The following ITGB8 variants were observed in gnomAD, a reference collection of about 807,000 sequenced individuals.
ITGB8 encodes integrin subunit beta 8.
ITGB8 carries 30 observed loss-of-function variants against 89.5 expected under a neutral mutation model. The observed-to-expected ratio is 0.34, with a 90% CI of 0.25 to 0.45. The LOEUF (loss-of-function observed/expected upper bound fraction) is 0.45, where lower values mean the gene tolerates loss of function less well. ITGB8 is among the 20% of genes least tolerant of loss of function. ITGB8 has a pLI of 1.00. For missense variants in ITGB8, 836 were observed against 933.3 expected (o/e 0.90, Z 1.36); for synonymous variants, 335 against 320.4 (o/e 1.05, Z -0.49).
chr7:20,366,166 T>G (rs1190680197), intron 2 of ITGB8: 1 of 152,230 alleles, frequency 6.6e-6, no homozygotes, highest in Non-Finnish European at 1.5e-5. Flanking sequence ...TGTTCCTTTC[T>G]AACATCTATG....
At chr7:20,365,065 C>T (rs1029655854) in intron 2 of ITGB8, 5 of 152,254 alleles carry the variant, frequency 3.3e-5, no homozygotes, top group Admixed American at 1.3e-4. Flanking sequence ...GAACATCAGG[C>T]TTCAGAGGGA....
At chr7:20,395,223 G>T (rs566318562) in intron 8 of ITGB8, among the ~76,000 whole-genome samples, 2 of 152,320 alleles carry the variant, frequency 1.3e-5, no homozygotes, top group South Asian at 4.1e-4. Flanking sequence ...TTGGGCTAGA[G>T]GCTATCTAAA....
In ITGB8 at chr7:20,412,454, A is replaced by AT. The variant is rs1562711908; in HGVS notation, c.*2458dup. 1 of 152,510 alleles carries AT rather than the reference A, an allele frequency of 6.6e-6. No individual in the cohort carries two copies. Among genetic ancestry groups the AT allele is most frequent in the Non-Finnish European group, 1.5e-5 (1 of 68,036 alleles). The allele number at this position is 152,510 out of a possible 1,614,324, so 9.4% of individuals were successfully genotyped here. ...GACAATTTTTGAAATGAACATTATGATATTTATGAACAATAAACAAATTTC... is the reference window on the plus strand; with the variant it reads ...GACAATTTTTGAAATGAACATTATGATTATTTATGAACAATAAACAAATTTC... On this transcript the variant is annotated 3_prime_UTR_variant, in exon 14 of 14. Transcript: ENST00000222573.
At chr7:20,392,245 G>C (rs984402548) in intron 7 of ITGB8, among the ~76,000 whole-genome samples, 1 of 152,050 alleles carries the variant, frequency 6.6e-6, no homozygotes, top group Admixed American at 6.6e-5. Context: ...GTGCATCTCT[G>C]TTTACTTGGT....
intron 1 of ITGB8, among the ~76,000 whole-genome samples, chr7:20,348,134 A>T (rs1784990447): frequency 6.6e-6 from 1 of 152,248 alleles, no homozygotes; most frequent in African/African-American, 2.4e-5. Context: ...TGGTAAAGTT[A>T]GGGTCATATC....
chr7:20,412,645 G>A lies in ITGB8; in HGVS notation c.*2648G>A, dbSNP rs1242060204. 2 of 152,506 alleles carry A rather than the reference G, an allele frequency of 1.3e-5. No homozygotes were observed. The highest frequency in any genetic ancestry group is 6.6e-5 in the Admixed American group (1 of 15,260). The allele number at this position is 152,506 out of a possible 1,614,324, so 9.4% of individuals were successfully genotyped here. A position where few individuals can be genotyped will look rare whatever the true frequency, so the allele number is the denominator to read the frequency against. On this transcript the variant is annotated 3_prime_UTR_variant, in exon 14 of 14. Transcript: ENST00000222573. ...CCTTGTAGGCAACTCAGTGTTAGAC[G>A]ATGATTGTGGTTATGCTTGCAAAGT... is the stretch of plus-strand genomic sequence containing the variant.
chr7:20,390,624 TTG>T (rs1371559535), intron 6 of ITGB8, among the ~76,000 whole-genome samples: 1 of 152,096 alleles, frequency 6.6e-6, no homozygotes, highest in African/African-American at 2.4e-5. Context: ...TAATGATAAG[TTG>T]AGAAATCTGT....
rs79623017 is a variant in ITGB8 at position 20,357,682 on chromosome 7, G to A, written c.128-5955G>A. On this transcript the variant is annotated intron_variant, in intron 1 of 13. Transcript: ENST00000222573. ...GTTATAGTTAGCCCTTTGTTACTGC[G>A]GAGGAGATGGAGACTTGGAGAGTTT... 2.0e-3 allele frequency among the ~76,000 whole-genome samples: 298 copies of A among 152,196 alleles called. 13 individuals are homozygous for A. The East Asian group carries it at 0.05, about 25-fold the overall frequency.
At chr7:20,403,825 T>C (rs560203020) in intron 10 of ITGB8, among the ~76,000 whole-genome samples, 227 of 152,224 alleles carry the variant, frequency 1.5e-3, no homozygotes, top group African/African-American at 5.3e-3. Flanking sequence ...TGTGGCTAGA[T>C]AAGCTTCAGA....
At chr7:20,400,370 G>A (rs1207153783) in intron 9 of ITGB8, among the ~76,000 whole-genome samples, 1 of 152,038 alleles carries the variant, frequency 6.6e-6, no homozygotes, top group Non-Finnish European at 1.5e-5. Context: ...ATTAACTTAT[G>A]TATCTGTTAA....
At chr7:20,361,242 CTCTTGG>C (rs1390133461) in intron 1 of ITGB8, among the ~76,000 whole-genome samples, 1 of 152,192 alleles carries the variant, frequency 6.6e-6, no homozygotes, top group Non-Finnish European at 1.5e-5. Flanking sequence ...TTGAGTGAAA[CTCTTGG>C]TCAAGTCTGA....
At chr7:20,391,347 G>T in intron 6 of ITGB8, 56 bp from the exon 7 acceptor site, 1 of 891,608 alleles carries the variant, frequency 1.1e-6, no homozygotes, top group South Asian at 1.9e-5. Context: ...TTAGATGTTT[G>T]AATAGGATGG....
chr7:20,354,548 A>C (rs142781455), intron 1 of ITGB8, among the ~76,000 whole-genome samples: 13 of 152,244 alleles, frequency 8.5e-5, no homozygotes, highest in Admixed American at 3.9e-4. Flanking sequence ...TCTGAGAGTA[A>C]ACGAGCAGAT....
chr7:20,335,834 C>T (rs1784554180), intron 1 of ITGB8, among the ~76,000 whole-genome samples: 1 of 151,920 alleles, frequency 6.6e-6, no homozygotes, highest in Non-Finnish European at 1.5e-5. Context: ...ACACTGTTGA[C>T]CTTGCCCTCC....
Position 20,363,702 on chromosome 7 carries a change from T to C in ITGB8, c.193T>C (p.Cys65Arg), listed in dbSNP as rs1433915572. The C allele has an allele frequency of 6.2e-7, 1 of 1,601,502 alleles. No homozygotes were observed. Among genetic ancestry groups the C allele is most frequent in the Non-Finnish European group, 8.5e-7 (1 of 1,176,356 alleles). Residue 65 changes from cysteine (C) to arginine (R), a missense_variant, in exon 2 of 14, where the codon TGT (cysteine) becomes CGT (arginine). Around this residue, in one of 5 missense-constraint regions of ITGB8, gnomAD observed 182 missense variants for 177.0 expected, o/e 1.03. Transcript: ENST00000222573. ...CARCLALGPE[C>R]GWCVQEDFIS... ...CAGGTGCCTTGCGCTGGGTCCAGAATGTGGATGGTGTGTTCAAGAGGTGTG... is the reference window on the plus strand; with the variant it reads ...CAGGTGCCTTGCGCTGGGTCCAGAACGTGGATGGTGTGTTCAAGAGGTGTG...
At position 20,401,945 on chromosome 7, in the gene ITGB8, T is replaced by G; in HGVS notation, c.1506T>G (p.Asp502Glu). The change falls in exon 10 of 14, where the codon GAT (aspartate) becomes GAG (glutamate). Residue 502 changes from aspartate to glutamate, a missense_variant. Asp to Glu is a conservative substitution (Grantham distance 45). Transcript: ENST00000222573. ...FQCDENKCHF[D>E]EDQFSSESCK... ...GTGATGAGAATAAATGTCATTTTGA[T>G]GAAGATCAGTTTTCTTCTGAGAGTT... is the stretch of plus-strand genomic sequence containing the variant. 1 of 1,614,220 alleles carries G rather than the reference T, an allele frequency of 6.2e-7. No homozygotes were observed. Among genetic ancestry groups the G allele is most frequent in the South Asian group, 1.1e-5 (1 of 91,084 alleles).
At chr7:20,339,643 T>C (rs1042218694) in intron 1 of ITGB8, among the ~76,000 whole-genome samples, 1 of 152,232 alleles carries the variant, frequency 6.6e-6, no homozygotes, top group Admixed American at 6.5e-5. Context: ...TAACTTAAAA[T>C]TGCATTGTTA....
At position 20,394,742 on chromosome 7, in the gene ITGB8, A is replaced by T. The variant is rs41273087; in HGVS notation, c.1057-154A>T. 2.0e-3 allele frequency among the ~76,000 whole-genome samples: 297 copies of T among 152,290 alleles called. 3 individuals carry two copies. The highest frequency in any genetic ancestry group is 3.6e-3 in the Non-Finnish European group (243 of 68,018). ...CATGGGTATATGTTCTGGCTGCTCT[A>T]CTAGGTTGCTTATATTTTTCTTGTG... On this transcript the variant is annotated intron_variant, in intron 7 of 13. Coordinates refer to ENST00000222573, the MANE Select transcript of ITGB8 (RefSeq NM_002214.3).
chr7:20,405,351 G>A (rs10807803), intron 11 of ITGB8, among the ~76,000 whole-genome samples: 96,848 of 148,896 alleles, frequency 0.65, 32,170 homozygotes, highest in East Asian at 0.99. Flanking sequence ...ACAGAGTCTC[G>A]CTCTGTCACC....
Sources: gnomAD v4.1 joint callset for allele counts (sites outside exome capture counted in the v4.1 genomes callset) on GRCh38, gnomAD v4.1.1 for gene constraint, gnomAD v4.1.1 regional missense constraint, MANE v1.5 for transcripts, NCBI Gene and HGNC (gene_info 2026-07-23, HGNC 2026-07-21) for gene names.